The following SNX20 variants were observed in gnomAD, a reference collection of about 807,000 sequenced individuals.
The protein encoded by SNX20 is sorting nexin 20.
Under a neutral mutation model 24.5 loss-of-function variants are expected in SNX20, and 21 were observed. That is an observed-to-expected ratio of 0.86 (90% confidence interval 0.61 to 1.23). The LOEUF is 1.23. Among genes scored for constraint, SNX20 ranks in the 50% most tolerant of loss-of-function variants. The pLI is 0.00. For missense variants in SNX20, 433 were observed against 430.8 expected (o/e 1.00, Z -0.04); for synonymous variants, 206 against 192.8 (o/e 1.07, Z -0.57).
Position 50,678,050 on chromosome 16 carries a change from TA to T in SNX20, c.-9-516del, listed in dbSNP as rs111467014. 6.4e-3 allele frequency among the ~76,000 whole-genome samples: 966 copies of T among 150,646 alleles called. 11 individuals carry two copies. Among genetic ancestry groups the T allele is most frequent in the African/African-American group, 0.022 (907 of 41,018 alleles). On this transcript the variant is annotated intron_variant, in intron 1 of 3. Coordinates refer to ENST00000330943, the MANE Select transcript of SNX20 (RefSeq NM_182854.4). ...AGTGAGACCCCGTCTCTAGAAAAAA[TA>T]AAAAAAAATTATCCAGGATGCACGC...
At chr16:50,667,930 G>C, downstream of SNX20, 1 of 1,326,458 alleles carries the variant, frequency 7.5e-7, no homozygotes, top group Middle Eastern at 2.2e-4. Context: ...CAGCTAGATG[G>C]GTAGGGGGGG....
downstream of SNX20, chr16:50,670,241 G>A (rs1345818980): frequency 1.3e-5 from 2 of 152,386 alleles, no homozygotes; most frequent in Non-Finnish European, 2.9e-5. Context: ...GATGAACCCA[G>A]GACCACAGAT....
chr16:50,668,083 C>T (rs1567367027), downstream of SNX20: 1 of 1,551,610 alleles, frequency 6.4e-7, no homozygotes, highest in Admixed American at 2.0e-5. Context: ...AAGCTGAAAC[C>T]AGGCCCACGA....
At chr16:50,678,022 T>G (rs1168054649) in intron 1 of SNX20, among the ~76,000 whole-genome samples, 2 of 151,854 alleles carry the variant, frequency 1.3e-5, no homozygotes, top group African/African-American at 4.8e-5. Context: ...GCCTGGCCAA[T>G]GTAGTGAGAC....
chr16:50,677,322 C>A, intron 2 of SNX20, 75 bp downstream of exon 2: 1 of 1,439,764 alleles, frequency 6.9e-7, no homozygotes, highest in East Asian at 2.6e-5. Flanking sequence ...GCTGCATCCC[C>A]CAAAGTGACC....
At chr16:50,674,523 C>T (rs529450625) in intron 3 of SNX20, among the ~76,000 whole-genome samples, 13 of 152,232 alleles carry the variant, frequency 8.5e-5, no homozygotes, top group African/African-American at 2.9e-4. Context: ...GCTGGGATTA[C>T]AGGCATGAGC....
chr16:50,668,752 A>C (rs1962973449), downstream of SNX20: 5 of 1,150,124 alleles, frequency 4.3e-6, no homozygotes, highest in Non-Finnish European at 5.3e-6. Flanking sequence ...CCTGCTGGGG[A>C]TGTGTTGGGA....
Position 50,671,900 on chromosome 16 carries a change from A to AG in SNX20, c.*1505dup. 1 of 152,236 alleles carries AG rather than the reference A, an allele frequency of 6.6e-6. No individual in the cohort carries two copies. The highest frequency in any genetic ancestry group is 1.5e-5 in the Non-Finnish European group (1 of 68,048). 9.4% of individuals were successfully genotyped at this position (152,236 alleles called of 1,614,324 possible). A position where few individuals can be genotyped will look rare whatever the true frequency, so the allele number is the denominator to read the frequency against. On this transcript the variant is annotated 3_prime_UTR_variant, in exon 4 of 4. Coordinates refer to ENST00000330943, the MANE Select transcript of SNX20 (RefSeq NM_182854.4). ...GTCTAGTGCATAGCTGTCCACTTCTAGAGTGATCACTTGCTGGGCCAAGTT... is the reference window on the plus strand; with the variant it reads ...GTCTAGTGCATAGCTGTCCACTTCTAGGAGTGATCACTTGCTGGGCCAAGTT...
chr16:50,673,340 CA>C lies in SNX20; in HGVS notation c.*65del. The C allele has an allele frequency of 3.6e-6, 5 of 1,401,186 alleles. No individual in the cohort carries two copies. The highest frequency in any genetic ancestry group is 3.7e-6 in the Non-Finnish European group (4 of 1,071,918). The allele number at this position is 1,401,186 out of a possible 1,614,324, so 86.8% of individuals were successfully genotyped here. ...AAGGAAAAATAAAAAAAAAGAACCC[CA>C]AACAGCCCACTGTGAGCCATGGTGA... On this transcript the variant is annotated 3_prime_UTR_variant, in exon 4 of 4. Coordinates refer to ENST00000330943, the MANE Select transcript of SNX20 (RefSeq NM_182854.4). This position sits in a 1 kb window ranked among gnomAD's most constrained non-coding sequence, Gnocchi z 4.1.
At position 50,673,714 on chromosome 16, in the gene SNX20, G is replaced by T; in HGVS notation, c.643C>A (p.Gln215Lys). 1 of 1,499,766 alleles carries T rather than the reference G, an allele frequency of 6.7e-7. No individual in the cohort carries two copies. The highest frequency in any genetic ancestry group is 2.6e-5 in the East Asian group (1 of 38,226). The allele number at this position is 1,499,766 out of a possible 1,614,324, so 92.9% of individuals were successfully genotyped here. A position where few individuals can be genotyped will look rare whatever the true frequency, so the allele number is the denominator to read the frequency against. Reference protein sequence around the residue: ...LELLLRVLPLQEKLTAHCPAA... With the variant: ...LELLLRVLPLKEKLTAHCPAA... ...GGGCAGTGGGCGGTGAGCTTCTCCTGCAGCGGCAGCACGCGCAGCAGCAGC... is the reference window on the plus strand; with the variant it reads ...GGGCAGTGGGCGGTGAGCTTCTCCTTCAGCGGCAGCACGCGCAGCAGCAGC... The change falls in exon 4 of 4, where the codon CAG (glutamine) becomes AAG (lysine). Residue 215 changes from glutamine (Q) to lysine (K), a missense_variant. By Grantham distance (53) the Gln-to-Lys change is moderately conservative (BLOSUM62 1). Transcript: ENST00000330943. This position sits in a 1 kb window ranked among gnomAD's most constrained non-coding sequence, Gnocchi z 4.1.
chr16:50,678,051 A>T lies in SNX20; in HGVS notation c.-9-516T>A, dbSNP rs999341696. On this transcript the variant is annotated intron_variant, in intron 1 of 3. Coordinates refer to ENST00000330943, the MANE Select transcript of SNX20 (RefSeq NM_182854.4). ...GTGAGACCCCGTCTCTAGAAAAAAT[A>T]AAAAAAAATTATCCAGGATGCACGC... 1.4e-4 allele frequency among the ~76,000 whole-genome samples: 19 copies of T among 136,900 alleles called. 1 individual carries two copies. Among genetic ancestry groups the T allele is most frequent in the African/African-American group, 6.2e-4 (17 of 27,464 alleles). 89.8% of individuals were successfully genotyped at this position (136,900 alleles called of 152,430 possible).
At chr16:50,678,075 G>A (rs1165036878) in intron 1 of SNX20, among the ~76,000 whole-genome samples, 3 of 152,054 alleles carry the variant, frequency 2.0e-5, no homozygotes, top group African/African-American at 4.8e-5. Context: ...CAGGATGCAC[G>A]CCTGTGGTCC....
chr16:50,668,450 G>A, downstream of SNX20: 1 of 793,500 alleles, frequency 1.3e-6, no homozygotes, highest in Non-Finnish European at 1.6e-6. Context: ...GTTTCATTGT[G>A]TTTATTTTTG....
intron 2 of SNX20, among the ~76,000 whole-genome samples, chr16:50,676,925 G>A (rs890796210): frequency 3.3e-5 from 5 of 152,208 alleles, no homozygotes; most frequent in Non-Finnish European, 7.3e-5. Context: ...AGGCTGGACC[G>A]TGCCCTCTTG....
intron 1 of SNX20, among the ~76,000 whole-genome samples, chr16:50,680,537 C>T (rs1051627445): frequency 2.6e-5 from 4 of 152,184 alleles, no homozygotes; most frequent in Admixed American, 2.0e-4. Flanking sequence ...CTGCTGGGCA[C>T]ACAGAGGCCA....
At position 50,673,590 on chromosome 16, in the gene SNX20, C is replaced by A. The variant is rs772636555; in HGVS notation, c.767G>T (p.Arg256Leu). The change falls in exon 4 of 4, where the codon CGC becomes CTC. Residue 256 changes from arginine to leucine, a missense_variant. By Grantham distance (102) the Arg-to-Leu change is moderately radical (BLOSUM62 -2). Transcript: ENST00000330943. The surrounding 1 kb of genome is among the most constrained non-coding windows in gnomAD (Gnocchi z 4.1). ...GCGATGGCCCTCCCGGGCCTGCAGGCGCTGCAGGGCCCTCTCTCCGGCCGC... is the reference window on the plus strand; with the variant it reads ...GCGATGGCCCTCCCGGGCCTGCAGGAGCTGCAGGGCCCTCTCTCCGGCCGC... The part of the protein sequence containing the change: ...AFAAGERALQ[R>L]LQAREGHRYY... 1.9e-6 allele frequency: 3 copies of A among 1,588,476 alleles called. No individual in the cohort carries two copies. Among genetic ancestry groups the A allele is most frequent in the Non-Finnish European group, 2.6e-6 (3 of 1,172,600 alleles).
chr16:50,676,580 A>G lies in SNX20; in HGVS notation c.131-659T>C, dbSNP rs145378905. 6.7e-4 allele frequency among the ~76,000 whole-genome samples: 102 copies of G among 152,322 alleles called. 3 individuals are homozygous for G. Among genetic ancestry groups the G allele is most frequent in the African/African-American group, 1.9e-3 (78 of 41,572 alleles). Reference sequence around the variant, plus strand: ...AATTGTGCATTTTATTGCAAAGGGCATGGGTCCCAGCCCTTTTCCAGTCTA... The same window carrying G: ...AATTGTGCATTTTATTGCAAAGGGCGTGGGTCCCAGCCCTTTTCCAGTCTA... On this transcript the variant is annotated intron_variant, in intron 2 of 3. Coordinates refer to ENST00000330943, the MANE Select transcript of SNX20 (RefSeq NM_182854.4).
intron 3 of SNX20, 118 bp downstream of exon 3, chr16:50,675,652 G>A (rs781049520): frequency 1.5e-6 from 2 of 1,290,626 alleles, no homozygotes; most frequent in East Asian, 2.4e-5. Context: ...GAAGAAAGCT[G>A]TGAGTTAGTG....
chr16:50,675,267 G>A (rs543155444), intron 3 of SNX20, among the ~76,000 whole-genome samples: 1 of 152,326 alleles, frequency 6.6e-6, no homozygotes, highest in African/African-American at 2.4e-5. Context: ...ACAGTAACCA[G>A]CTAGAATTTA....
Sources: gnomAD v4.1 joint callset for allele counts (sites outside exome capture counted in the v4.1 genomes callset) on GRCh38, gnomAD v4.1.1 for gene constraint, Gnocchi (gnomAD v3.1) non-coding constraint, MANE v1.5 for transcripts, NCBI Gene and HGNC (gene_info 2026-07-23, HGNC 2026-07-21) for gene names.